TRIML1: variants seen among roughly 807,000 people sequenced by gnomAD.
TRIML1 encodes the protein tripartite motif family like 1, also known as probable E3 ubiquitin-protein ligase TRIML1.
A neutral mutation model predicts 32.3 loss-of-function variants in TRIML1; 34 were observed. The observed-to-expected ratio is 1.05, with a 90% confidence interval of 0.80 to 1.40. The LOEUF is 1.40. Among genes scored for constraint, TRIML1 ranks in the 40% most tolerant of loss-of-function variants. TRIML1 has a pLI of 0.00. For synonymous variants in TRIML1, 244 were observed against 226.6 expected, an observed-to-expected ratio of 1.08 and a Z score of -0.69; for missense variants, 595 against 574.9, an observed-to-expected ratio of 1.03 and a Z score of -0.36.
intron 2 of TRIML1, chr4:188,140,825 G>A (rs1428671430): frequency 1.9e-6 from 1 of 515,192 alleles, no homozygotes; most frequent in Non-Finnish European, 3.5e-6. Context: ...CCCCCTCTAG[G>A]AGCCTCCTTT....
At chr4:188,146,681 ACAGGCGCGAGC>A in intron 5 of TRIML1, 130 bp from the exon 6 acceptor site, 2 of 591,308 alleles carry the variant, frequency 3.4e-6, no homozygotes, top group East Asian at 6.2e-5. Context: ...GTGCTGCATT[ACAGGCGCGAGC>A]CATCACGCCC....
At chr4:188,144,374 TTTC>T (rs1342825472) in intron 5 of TRIML1, among the ~76,000 whole-genome samples, 2 of 150,700 alleles carry the variant, frequency 1.3e-5, no homozygotes, top group African/African-American at 4.9e-5. Flanking sequence ...TTTTTTTTTT[TTTC>T]TTTGAGACGG....
chr4:188,142,206 TC>T (rs1734882222), intron 2 of TRIML1, 45 bp from the exon 3 acceptor site: 1 of 1,135,616 alleles, frequency 8.8e-7, no homozygotes, highest in African/African-American at 2.9e-5. Flanking sequence ...TAACTTTATC[TC>T]GTGTGTGTGT....
chr4:188,144,729 G>A (rs1034459642), intron 5 of TRIML1, among the ~76,000 whole-genome samples: 6 of 151,688 alleles, frequency 4.0e-5, no homozygotes, highest in Non-Finnish European at 5.9e-5. Flanking sequence ...GTGCAGACAC[G>A]CCCCCCTCAT....
chr4:188,141,889 G>A (rs1734866861), intron 2 of TRIML1, among the ~76,000 whole-genome samples: 1 of 151,878 alleles, frequency 6.6e-6, no homozygotes, highest in African/African-American at 2.4e-5. Flanking sequence ...GAGGAGGGTG[G>A]GTCACCCGGT....
At position 188,146,846 on chromosome 4, in the gene TRIML1, C is replaced by T; in HGVS notation, c.881C>T (p.Thr294Ile). 2 of 1,412,650 alleles carry T rather than the reference C, an allele frequency of 1.4e-6. No individual in the cohort carries two copies. Among genetic ancestry groups the T allele is most frequent in the Non-Finnish European group, 1.9e-6 (2 of 1,079,288 alleles). 87.5% of individuals were successfully genotyped at this position (1,412,650 alleles called of 1,614,324 possible). The change falls in exon 6 of 6, where the codon ACA becomes ATA. Residue 294 changes from threonine (T) to isoleucine (I), a missense_variant. Physicochemically the swap from Thr to Ile is moderately conservative, Grantham distance 89 (BLOSUM62 -1). Coordinates refer to ENST00000332517, the MANE Select transcript of TRIML1 (RefSeq NM_178556.5). Reference sequence around the variant, plus strand: ...GCGGAGATAACGCTGGACCCAGCCACAGCTAATGCCTATCTCGTGTTGTCG... The same window carrying T: ...GCGGAGATAACGCTGGACCCAGCCATAGCTAATGCCTATCTCGTGTTGTCG... ...FSTEITLDPATANAYLVLSED... is the reference protein window; with the variant it reads ...FSTEITLDPAIANAYLVLSED...
rs1264166456 is a variant in TRIML1, at chr4:188,140,583, C to T, written c.464C>T (p.Ala155Val). Residue 155 changes from alanine (A) to valine (V), a missense_variant, in exon 2 of 6, where the codon GCT becomes GTT. Coordinates refer to ENST00000332517, the MANE Select transcript of TRIML1 (RefSeq NM_178556.5). ...LLRVRRKEAQ[A>V]VLTHEKERVK... ...CGTGTAAGGAGAAAGGAAGCTCAGGCTGTACTAACCCATGAGAAGGAGAGA... is the reference window on the plus strand; with the variant it reads ...CGTGTAAGGAGAAAGGAAGCTCAGGTTGTACTAACCCATGAGAAGGAGAGA... 3.7e-6 allele frequency: 6 copies of T among 1,613,910 alleles called. No individual in the cohort carries two copies. In the South Asian group the frequency reaches 6.6e-5, roughly 18 times the overall value.
At chr4:188,145,768 A>G (rs1325872446) in intron 5 of TRIML1, among the ~76,000 whole-genome samples, 1 of 152,266 alleles carries the variant, frequency 6.6e-6, no homozygotes, top group South Asian at 2.1e-4. Context: ...GTGAGTCAAG[A>G]TCGCGTCATT....
chr4:188,148,463 C>T (rs760204553), downstream of TRIML1, among the ~76,000 whole-genome samples: 8 of 151,822 alleles, frequency 5.3e-5, no homozygotes, highest in Non-Finnish European at 7.4e-5. Context: ...CATTGCACTC[C>T]ACCCTGGGCA....
In TRIML1 at chr4:188,147,174, T is replaced by C. The variant is rs761258655; in HGVS notation, c.1209T>C (p.Pro403=). Residue 403 remains proline (P), a synonymous_variant, in exon 6 of 6, where the codon CCT becomes CCC. Transcript: ENST00000332517. ...SPLKGQHVRE[P]VCKVGVFLDY... is the part of the protein sequence containing the mutation. ...TGAAAGGTCAGCACGTCAGAGAGCCTGTGTGTAAGGTTGGTGTCTTCCTGG... is the reference window on the plus strand; with the variant it reads ...TGAAAGGTCAGCACGTCAGAGAGCCCGTGTGTAAGGTTGGTGTCTTCCTGG... The C allele has an allele frequency of 3.7e-6, 6 of 1,614,060 alleles. No individual in the cohort carries two copies. Among genetic ancestry groups the C allele is most frequent in the Non-Finnish European group, 5.1e-6 (6 of 1,180,004 alleles).
intron 2 of TRIML1, 42 bp downstream of exon 2, chr4:188,140,665 T>A (rs2111225418): frequency 7.4e-7 from 1 of 1,354,522 alleles, no homozygotes; most frequent in Non-Finnish European, 1.0e-6. Context: ...TATGACCCCA[T>A]AAGGGGGACT....
intron 1 of TRIML1, 45 bp from the exon 2 acceptor site, chr4:188,140,483 C>G (rs1271219933): frequency 1.3e-5 from 20 of 1,517,646 alleles, no homozygotes; most frequent in Non-Finnish European, 1.8e-5. Context: ...CCTTCATGAC[C>G]TGGGACTCTG....
rs1225627568 is a variant in TRIML1, at chr4:188,146,875, G to A, written c.910G>A (p.Asp304Asn). ...TAATGCCTATCTCGTGTTGTCGGAGGATCTGAAGAGTGTGAAATATGGGGG... is the reference window on the plus strand; with the variant it reads ...TAATGCCTATCTCGTGTTGTCGGAGAATCTGAAGAGTGTGAAATATGGGGG... ...TANAYLVLSEDLKSVKYGGSR... is the reference protein window; with the variant it reads ...TANAYLVLSENLKSVKYGGSR... Residue 304 changes from aspartate to asparagine, a missense_variant, in exon 6 of 6, where the codon GAT (aspartate) becomes AAT (asparagine). Coordinates refer to ENST00000332517, the MANE Select transcript of TRIML1 (RefSeq NM_178556.5). The A allele has an allele frequency of 2.0e-6, 3 of 1,482,090 alleles. No individual in the cohort carries two copies. Among genetic ancestry groups the A allele is most frequent in the Non-Finnish European group, 2.7e-6 (3 of 1,115,198 alleles). 91.8% of individuals were successfully genotyped at this position (1,482,090 alleles called of 1,614,324 possible). A position where few individuals can be genotyped will look rare whatever the true frequency, so the allele number is the denominator to read the frequency against.
Position 188,146,684 on chromosome 4 carries a change from GGC to G in TRIML1, c.857-134_857-133del, listed in dbSNP as rs1735092282. On this transcript the variant is annotated intron_variant, in intron 5 of 5. Coordinates refer to ENST00000332517, the MANE Select transcript of TRIML1 (RefSeq NM_178556.5). ...CACCCTCCCAAAGTGCTGCATTACA[GGC>G]GCGAGCCATCACGCCCGGCCCCAAA... 6 of 613,164 alleles carry G rather than the reference GGC, an allele frequency of 9.8e-6. No homozygotes were observed. In the South Asian group the frequency reaches 3.4e-4, roughly 35 times the overall value. 38.0% of individuals were successfully genotyped at this position (613,164 alleles called of 1,614,324 possible).
rs754803429 is a variant in TRIML1 at position 188,142,370 on chromosome 4, T to C, written c.623T>C (p.Met208Thr). The C allele has an allele frequency of 8.1e-6, 13 of 1,613,140 alleles. No individual in the cohort carries two copies. The Admixed American group carries it at 2.0e-4, about 25-fold the overall frequency. ...CTAGAACAGGAAGAGAAAGAGAACA[T>C]GAGGAAGCTGAGGAACAATGAGATC... Reference protein sequence around the residue: ...QLLEQEEKENMRKLRNNEIKL... With the variant: ...QLLEQEEKENTRKLRNNEIKL... The change falls in exon 3 of 6, where the codon ATG (methionine) becomes ACG (threonine). Residue 208 changes from methionine (M) to threonine (T), a missense_variant. Met to Thr is a moderately conservative substitution (Grantham distance 81). Coordinates refer to ENST00000332517, the MANE Select transcript of TRIML1 (RefSeq NM_178556.5).
intron 5 of TRIML1, among the ~76,000 whole-genome samples, chr4:188,145,441 CAAAAAAAAAAAAAAAAAAA>C (rs869253721): frequency 1.2e-4 from 4 of 34,320 alleles, no homozygotes; most frequent in Non-Finnish European, 1.9e-4. Flanking sequence ...GACTCCGTCT[CAAAAAAAAAAAAAAAAAAA>C]AAAAAAAAAA....
chr4:188,147,185 T>C lies in TRIML1; in HGVS notation c.1220T>C (p.Val407Ala), dbSNP rs772987198. ...CACGTCAGAGAGCCTGTGTGTAAGG[T>C]TGGTGTCTTCCTGGACTATGAATCT... is the stretch of plus-strand genomic sequence containing the variant. The part of the protein sequence containing the change: ...GQHVREPVCK[V>A]GVFLDYESGH... Residue 407 changes from valine (V) to alanine (A), a missense_variant, in exon 6 of 6, where the codon GTT becomes GCT. Physicochemically the swap from Val to Ala is moderately conservative, Grantham distance 64. Coordinates refer to ENST00000332517, the MANE Select transcript of TRIML1 (RefSeq NM_178556.5). 44 of 1,613,858 alleles carry C rather than the reference T, an allele frequency of 2.7e-5. No individual in the cohort carries two copies. Among genetic ancestry groups the C allele is most frequent in the South Asian group, 2.2e-4 (20 of 91,074 alleles).
At chr4:188,139,331 T>C, upstream of TRIML1, 1 of 413,852 alleles carries the variant, frequency 2.4e-6, no homozygotes, top group Non-Finnish European at 4.3e-6. Context: ...AAGTTTGGGG[T>C]TGGTGAGGAG....
intron 5 of TRIML1, among the ~76,000 whole-genome samples, chr4:188,144,510 C>G (rs1003009820): frequency 3.5e-5 from 5 of 143,298 alleles, no homozygotes; most frequent in South Asian, 2.4e-4. Context: ...CTACAGGCGC[C>G]CGCCACCACG....
Sources: allele counts gnomAD v4.1 joint callset (sites outside exome capture counted in the v4.1 genomes callset), GRCh38; gene constraint gnomAD v4.1.1; transcripts MANE v1.5; gene names NCBI Gene and HGNC (gene_info 2026-07-23, HGNC 2026-07-21).